The following PRKX variants were observed in gnomAD, a reference collection of about 807,000 sequenced individuals.
PRKX encodes the protein protein kinase cAMP-dependent X-linked catalytic subunit.
Under a neutral mutation model 22.0 loss-of-function variants are expected in PRKX, and 12 were observed. That is an observed-to-expected ratio of 0.54 (90% CI 0.35 to 0.88). PRKX has a LOEUF of 0.88. Among genes scored for constraint, PRKX ranks in the 40% least tolerant of loss-of-function variants. The pLI, the probability that PRKX is intolerant of heterozygous loss-of-function variation, is 0.01. For missense variants in PRKX, 217 were observed against 308.0 expected (o/e 0.70, Z 2.21); for synonymous variants, 134 against 137.7 (o/e 0.97, Z 0.19).
chrX:3,677,327 CTTT>C (rs532175668), intron 1 of PRKX, among the ~76,000 whole-genome samples: 1,105 of 90,601 alleles, frequency 0.012, 29 homozygotes, highest in African/African-American at 0.039. Flanking sequence ...ATTGTTTTGT[CTTT>C]TTTTTTTTTT....
intron 1 of PRKX, among the ~76,000 whole-genome samples, chrX:3,703,762 C>T (rs113289514): frequency 0.01 from 1,088 of 103,803 alleles, 16 homozygotes; most frequent in African/African-American, 0.037. Flanking sequence ...ACCTCTATCT[C>T]CCGGGTTCAA....
intron 2 of PRKX, chrX:3,668,328 G>A (rs1302814573): frequency 9.0e-6 from 1 of 111,327 alleles, no homozygotes; most frequent in African/African-American, 3.3e-5. Context: ...TGCAGGCAGT[G>A]ATGACAGAGC....
intron 1 of PRKX, among the ~76,000 whole-genome samples, chrX:3,689,977 G>A (rs766595184): frequency 1.4e-4 from 15 of 110,599 alleles, no homozygotes; most frequent in South Asian, 7.7e-4. Context: ...ACTCTGTCTC[G>A]AAAAAAACAA....
intron 4 of PRKX, among the ~76,000 whole-genome samples, chrX:3,630,508 C>G (rs1029790206): frequency 9.0e-6 from 1 of 111,237 alleles, no homozygotes; most frequent in Non-Finnish European, 1.9e-5. Context: ...TGCAGTGAGC[C>G]GAGATCACGC....
chrX:3,641,965 C>T lies in PRKX; in HGVS notation c.606G>A (p.Trp202Ter), dbSNP rs780709185. ...GGTACTCGGGTGTTCCACAGAGGGT[C>T]CAAGTCCTATATGGGCGACAGAGAC... ...GFAKKLVDRT[W>*]TLCGTPEYLA... Residue 202 changes from tryptophan (W) to a stop codon, truncating the protein, a stop_gained, in exon 4 of 9, where the codon TGG becomes TGA. Transcript: ENST00000262848. LOFTEE classifies it high-confidence loss of function. 2.3e-6 allele frequency: 2 copies of T among 860,347 alleles called. No individual in the cohort carries two copies. The highest frequency in any genetic ancestry group is 3.2e-6 in the Non-Finnish European group (2 of 620,627). The allele number at this position is 860,347 out of a possible 1,213,427, so 70.9% of individuals were successfully genotyped here.
intron 4 of PRKX, among the ~76,000 whole-genome samples, chrX:3,635,963 G>A (rs1926878974): frequency 8.9e-6 from 1 of 111,989 alleles, no homozygotes; most frequent in Non-Finnish European, 1.9e-5. Flanking sequence ...AGAATAGGAT[G>A]GAAGAAATCG....
Position 3,711,821 on chromosome X carries a change from G to A in PRKX, c.166+1267C>T, listed in dbSNP as rs1340072934. ...GAGAGAGACACCAAGAGACAGAGGAGGAGAAATGCAGAGAGACTTGAACAG... is the reference window on the plus strand; with the variant it reads ...GAGAGAGACACCAAGAGACAGAGGAAGAGAAATGCAGAGAGACTTGAACAG... On this transcript the variant is annotated intron_variant, in intron 1 of 8. Transcript: ENST00000262848. Among the ~76,000 whole-genome samples, 9 of 109,681 alleles carry A rather than the reference G, an allele frequency of 8.2e-5. No homozygotes were observed. In the East Asian group the frequency reaches 1.4e-3, roughly 17 times the overall value.
intron 2 of PRKX, chrX:3,667,188 C>T (rs1464194885): frequency 1.8e-5 from 2 of 111,483 alleles, no homozygotes; most frequent in African/African-American, 3.3e-5. Context: ...TTTCCATCCG[C>T]GAAGCTGATC....
intron 1 of PRKX, among the ~76,000 whole-genome samples, chrX:3,705,361 C>G (rs1285441020): frequency 5.4e-5 from 6 of 111,622 alleles, no homozygotes; most frequent in Non-Finnish European, 1.1e-4. Context: ...AGCCCCACCT[C>G]CTAACACCAT....
chrX:3,617,202 T>TACATAAACGTTAATATATAC (rs1359290083), intron 6 of PRKX, among the ~76,000 whole-genome samples: 11 of 109,055 alleles, frequency 1.0e-4, no homozygotes, highest in Non-Finnish European at 1.7e-4. Flanking sequence ...CATACTTATA[T>TACATAAACGTTAATATATAC]ACATACACGT....
chrX:3,663,630 TAA>T (rs780899033), intron 2 of PRKX, among the ~76,000 whole-genome samples: 37 of 66,185 alleles, frequency 5.6e-4, no homozygotes, highest in Admixed American at 1.3e-3. Flanking sequence ...CCACATCTCT[TAA>T]AAAAAAAAAA....
intron 1 of PRKX, among the ~76,000 whole-genome samples, 182 bp downstream of exon 1, chrX:3,712,906 G>C (rs1210118191): frequency 8.9e-6 from 1 of 112,752 alleles, no homozygotes; most frequent in Non-Finnish European, 1.9e-5. Flanking sequence ...TGGGGGGCTG[G>C]GGAGTGCGCT....
At chrX:3,650,879 TAAAAAAAAAAAAA>T (rs57311083) in intron 3 of PRKX, among the ~76,000 whole-genome samples, 29,910 of 81,629 alleles carry the variant, frequency 0.37, 4,265 homozygotes, top group East Asian at 0.64. Flanking sequence ...ACCCTGTCTT[TAAAAAAAAAAAAA>T]AAAAAAAAAA....
rs1926138371 is a variant in PRKX at position 3,605,062 on chromosome X, C to T, written c.*3907G>A. On this transcript the variant is annotated 3_prime_UTR_variant, in exon 9 of 9. Transcript: ENST00000262848. ...ACACACACACACACACACACACACCCCGCAAAGAAACTATCCAAATGCATT... is the reference window on the plus strand; with the variant it reads ...ACACACACACACACACACACACACCTCGCAAAGAAACTATCCAAATGCATT... 1 of 99,589 alleles carries T rather than the reference C, an allele frequency of 1.0e-5. No homozygotes were observed. The highest frequency in any genetic ancestry group is 4.8e-4 in the South Asian group (1 of 2,064). 8.2% of individuals were successfully genotyped at this position (99,589 alleles called of 1,213,427 possible).
chrX:3,697,984 A>G (rs906430348), intron 1 of PRKX, among the ~76,000 whole-genome samples: 10 of 111,818 alleles, frequency 8.9e-5, no homozygotes, highest in Admixed American at 2.9e-4. Flanking sequence ...AGGTCTACCC[A>G]GGGGCACTCT....
At chrX:3,673,877 C>A (rs1927895899) in intron 2 of PRKX, among the ~76,000 whole-genome samples, 1 of 110,508 alleles carries the variant, frequency 9.0e-6, no homozygotes, top group African/African-American at 3.3e-5. Flanking sequence ...ATAAAAGGGA[C>A]CCCAGAGAGA....
Position 3,604,465 on chromosome X carries a change from C to T in PRKX, c.*4504G>A, listed in dbSNP as rs1926117056. On this transcript the variant is annotated 3_prime_UTR_variant, in exon 9 of 9. Transcript: ENST00000262848. The stretch of plus-strand genomic sequence containing the variant: ...GTAAAATTTTCCTAGGGCATATGTA[C>T]AAATCACAGTGATTTCCATTGTGCA... 8.9e-6 allele frequency: 1 copy of T among 112,574 alleles called. No individual in the cohort carries two copies. Among genetic ancestry groups the T allele is most frequent in the Non-Finnish European group, 1.9e-5 (1 of 53,259 alleles). 9.3% of individuals were successfully genotyped at this position (112,574 alleles called of 1,213,427 possible). A position where few individuals can be genotyped will look rare whatever the true frequency, so the allele number is the denominator to read the frequency against.
At chrX:3,674,885 C>T in intron 1 of PRKX, 119 bp from the exon 2 acceptor site, 1 of 818,821 alleles carries the variant, frequency 1.2e-6, no homozygotes, top group Non-Finnish European at 1.8e-6. Context: ...CCAAGTGAAA[C>T]TTTCAGAGAC....
rs60593114 is a variant in PRKX at position 3,623,151 on chromosome X, C to CGTGTGTGTGTGTGT, written c.816-1849_816-1836dup. 5.9e-4 allele frequency among the ~76,000 whole-genome samples: 57 copies of CGTGTGTGTGTGTGT among 96,116 alleles called. 1 individual carries two copies. The highest frequency in any genetic ancestry group is 2.1e-3 in the African/African-American group (53 of 25,819). 83.5% of individuals were successfully genotyped at this position (96,116 alleles called of 115,157 possible). ...TTGGTGATCACCTGATAAATTTCAA[C>CGTGTGTGTGTGTGT]GTGTGTGTGTGTGTGTGTGTGTGTG... On this transcript the variant is annotated intron_variant, in intron 5 of 8. Transcript: ENST00000262848.
Sources: gnomAD v4.1 joint callset for allele counts (sites outside exome capture counted in the v4.1 genomes callset) on GRCh38, gnomAD v4.1.1 for gene constraint, MANE v1.5 for transcripts, NCBI Gene and HGNC (gene_info 2026-07-23, HGNC 2026-07-21) for gene names.